The following HDAC9 variants were observed in gnomAD, a reference collection of about 807,000 sequenced individuals.
HDAC9 encodes histone deacetylase 9.
HDAC9 carries 41 observed loss-of-function variants against 139.4 expected under a neutral mutation model. That is an observed-to-expected ratio of 0.29 (90% CI 0.23 to 0.38). The LOEUF (loss-of-function observed/expected upper bound fraction) is 0.38. HDAC9 is among the 10% of genes least tolerant of loss of function. The pLI is 1.00. For missense variants in HDAC9, 1,147 were observed against 1,297.0 expected (o/e 0.88, Z 1.78); for synonymous variants, 517 against 476.2 (o/e 1.09, Z -1.12).
At chr7:18,524,174 C>T (rs1211388035) in intron 2 of HDAC9, among the ~76,000 whole-genome samples, 1 of 152,132 alleles carries the variant, frequency 6.6e-6, no homozygotes, top group Non-Finnish European at 1.5e-5. Flanking sequence ...ACACAGATAG[C>T]ATCTATTTAC....
Position 18,880,540 on chromosome 7 carries a change from A to G in HDAC9, c.2803+5944A>G, listed in dbSNP as rs534929277. Among the ~76,000 whole-genome samples the G allele has an allele frequency of 1.7e-3, 253 of 152,308 alleles. 1 individual carries two copies. Among genetic ancestry groups the G allele is most frequent in the African/African-American group, 5.4e-3 (225 of 41,580 alleles). On this transcript the variant is annotated intron_variant, in intron 22 of 25. Transcript: ENST00000686413. The stretch of plus-strand genomic sequence containing the variant: ...AGCTGGAGGCTATTATCCTCAGCAA[A>G]CTAATGCCAGAATGTAAAACCAAAT...
intron 2 of HDAC9, among the ~76,000 whole-genome samples, chr7:18,213,803 A>G (rs150619756): frequency 3.9e-5 from 6 of 152,288 alleles, no homozygotes; most frequent in African/African-American, 1.4e-4. Context: ...GAATTGAAAT[A>G]TTCTGTGCTT....
chr7:18,122,144 G>A (rs1784400615), intron 1 of HDAC9, among the ~76,000 whole-genome samples: 1 of 152,156 alleles, frequency 6.6e-6, no homozygotes, highest in Non-Finnish European at 1.5e-5. Flanking sequence ...TTTATTTAAG[G>A]TTGGGAGAGC....
intron 2 of HDAC9, among the ~76,000 whole-genome samples, chr7:18,257,696 T>C (rs1261782412): frequency 2.0e-5 from 3 of 152,172 alleles, no homozygotes; most frequent in Non-Finnish European, 4.4e-5. Context: ...TTTCTGTAGG[T>C]TCTCTGAGAG....
chr7:18,369,171 AT>A (rs995036686), intron 1 of HDAC9, among the ~76,000 whole-genome samples: 3 of 152,054 alleles, frequency 2.0e-5, no homozygotes, highest in Middle Eastern at 3.4e-3. Context: ...TTCTATGTCT[AT>A]TTTTTTGAAT....
intron 1 of HDAC9, among the ~76,000 whole-genome samples, chr7:18,087,635 G>A (rs1166019499): frequency 6.6e-6 from 1 of 152,188 alleles, no homozygotes; most frequent in African/African-American, 2.4e-5. Context: ...TCAGTTTTAA[G>A]TCAATACATC....
chr7:18,765,244 A>G (rs1391804728), intron 15 of HDAC9, among the ~76,000 whole-genome samples: 2 of 152,242 alleles, frequency 1.3e-5, no homozygotes, highest in Non-Finnish European at 2.9e-5. Context: ...ATTAAATAAT[A>G]GTATTAAATA....
chr7:18,416,771 G>A (rs977105967), intron 1 of HDAC9, among the ~76,000 whole-genome samples: 3 of 151,926 alleles, frequency 2.0e-5, no homozygotes, highest in African/African-American at 4.8e-5. Context: ...TTTTTTGCCA[G>A]TATTTTAAAT....
intron 1 of HDAC9, among the ~76,000 whole-genome samples, chr7:18,358,133 G>C (rs1300872248): frequency 1.3e-5 from 2 of 152,144 alleles, no homozygotes; most frequent in African/African-American, 4.8e-5. Flanking sequence ...AGGTTGCAGT[G>C]AGCTGAGATG....
chr7:18,595,973 T>C (rs1240131781), intron 6 of HDAC9, among the ~76,000 whole-genome samples: 14 of 152,082 alleles, frequency 9.2e-5, no homozygotes, highest in Admixed American at 9.2e-4. Context: ...AAAGAAATCC[T>C]TCTCAGGATA....
chr7:18,337,404 A>T, intron 1 of HDAC9, among the ~76,000 whole-genome samples: 1 of 151,730 alleles, frequency 6.6e-6, no homozygotes, highest in East Asian at 1.9e-4. Flanking sequence ...TTCATGATAT[A>T]GGTCTAAAAA....
intron 14 of HDAC9, among the ~76,000 whole-genome samples, chr7:18,759,238 C>T (rs1010123922): frequency 5.3e-5 from 8 of 152,090 alleles, no homozygotes; most frequent in African/African-American, 1.2e-4. Context: ...CCCTGGGCCA[C>T]GGACCACTAC....
At chr7:18,549,373 T>G (rs746417079) in intron 2 of HDAC9, among the ~76,000 whole-genome samples, 41 of 152,242 alleles carry the variant, frequency 2.7e-4, no homozygotes, top group Admixed American at 4.6e-4. Context: ...TGTTTTCATT[T>G]GAAATAACTC....
intron 23 of HDAC9, among the ~76,000 whole-genome samples, chr7:18,937,680 A>C (rs1781739422): frequency 6.6e-6 from 1 of 152,204 alleles, no homozygotes. Context: ...GAAGCATAAT[A>C]ATATTAATAT....
chr7:18,709,521 T>A (rs933504049), intron 12 of HDAC9, among the ~76,000 whole-genome samples: 1 of 152,188 alleles, frequency 6.6e-6, no homozygotes, highest in Non-Finnish European at 1.5e-5. Flanking sequence ...TTAACAAGTA[T>A]TTTTTTAAGA....
chr7:18,314,230 G>C (rs977646223), intron 1 of HDAC9, among the ~76,000 whole-genome samples: 1 of 152,160 alleles, frequency 6.6e-6, no homozygotes, highest in Non-Finnish European at 1.5e-5. Context: ...GTATTCTAGA[G>C]ATAGTAATAA....
chr7:18,293,999 A>T (rs1040486485), intron 1 of HDAC9, among the ~76,000 whole-genome samples: 3 of 152,168 alleles, frequency 2.0e-5, no homozygotes, highest in African/African-American at 7.2e-5. Flanking sequence ...AAAGTCTTGA[A>T]TAGATAAAGC....
chr7:18,104,012 A>G (rs892201005), intron 1 of HDAC9, among the ~76,000 whole-genome samples: 26 of 152,264 alleles, frequency 1.7e-4, no homozygotes, highest in African/African-American at 5.8e-4. Flanking sequence ...ATACCCACCC[A>G]CATTCAGACC....
At chr7:18,965,062 G>A (rs1309764516) in intron 24 of HDAC9, among the ~76,000 whole-genome samples, 1 of 152,178 alleles carries the variant, frequency 6.6e-6, no homozygotes, top group South Asian at 2.1e-4. Context: ...TAGCTTTGCA[G>A]TTTATTCATA....
Sources: gnomAD v4.1 joint callset for allele counts (sites outside exome capture counted in the v4.1 genomes callset) on GRCh38, gnomAD v4.1.1 for gene constraint, MANE v1.5 for transcripts, NCBI Gene and HGNC (gene_info 2026-07-23, HGNC 2026-07-21) for gene names.